The following CCNY variants were observed in gnomAD, a reference collection of about 807,000 sequenced individuals.
CCNY encodes the protein cyclin Y.
In CCNY, 19 loss-of-function variants were observed where a neutral mutation model predicts 42.8. The ratio of observed to expected loss-of-function variants is 0.44; its 90% CI spans 0.31 to 0.65. CCNY has a LOEUF of 0.65. CCNY is among the 30% of genes least tolerant of loss of function. The pLI is 0.07. For missense variants in CCNY, 370 were observed against 437.3 expected, an observed-to-expected ratio of 0.85 and a Z score of 1.37; for synonymous variants, 165 against 162.7, an observed-to-expected ratio of 1.01 and a Z score of -0.11.
intron 1 of CCNY, among the ~76,000 whole-genome samples, chr10:35,478,625 T>C (rs1296183147): frequency 1.3e-5 from 2 of 152,312 alleles, no homozygotes; most frequent in East Asian, 3.9e-4. Context: ...TTACACCTTA[T>C]GCAAAAATCA....
At chr10:35,491,968 C>T (rs996778677) in intron 2 of CCNY, among the ~76,000 whole-genome samples, 1 of 152,262 alleles carries the variant, frequency 6.6e-6, no homozygotes, top group East Asian at 1.9e-4. Flanking sequence ...TTAATGGGCA[C>T]CCCCAGAGTC....
At chr10:35,566,407 C>T (rs981093769) in intron 9 of CCNY, 8 of 481,420 alleles carry the variant, frequency 1.7e-5, no homozygotes, top group Admixed American at 4.0e-5. Context: ...TACAGTGGTG[C>T]GATCTTGGCC....
intron 1 of CCNY, among the ~76,000 whole-genome samples, chr10:35,400,431 T>C (rs1470551232): frequency 1.8e-4 from 27 of 152,192 alleles, no homozygotes; most frequent in Admixed American, 1.8e-3. Context: ...GAGAAGATGC[T>C]TCACGTCGTG....
chr10:35,279,519 CAGATA>C (rs1835276178), intron 3 of CCNY, among the ~76,000 whole-genome samples: 1 of 152,158 alleles, frequency 6.6e-6, no homozygotes, highest in Admixed American at 6.5e-5. Flanking sequence ...TGCAGAGGGT[CAGATA>C]TCAGGGGAAG....
At chr10:35,360,347 T>G (rs1312302467) in intron 1 of CCNY, among the ~76,000 whole-genome samples, 1 of 149,326 alleles carries the variant, frequency 6.7e-6, no homozygotes, top group Non-Finnish European at 1.5e-5. Context: ...AGTGTAGTGG[T>G]GTGACTATGG....
chr10:35,339,621 C>T (rs1481642182), intron 1 of CCNY, among the ~76,000 whole-genome samples: 2 of 152,148 alleles, frequency 1.3e-5, no homozygotes, highest in African/African-American at 4.8e-5. Flanking sequence ...AAACATCCCA[C>T]CCAGCTGGTT....
intron 1 of CCNY, among the ~76,000 whole-genome samples, chr10:35,474,648 C>T (rs1839466113): frequency 6.6e-6 from 1 of 152,174 alleles, no homozygotes; most frequent in East Asian, 1.9e-4. Flanking sequence ...CCCATCTGTA[C>T]ATCACCATCA....
chr10:35,525,948 C>G lies in CCNY; in HGVS notation c.366-16C>G. 6.2e-7 allele frequency: 1 copy of G among 1,610,420 alleles called. No individual in the cohort carries two copies. Among genetic ancestry groups the G allele is most frequent in the Non-Finnish European group, 8.5e-7 (1 of 1,178,398 alleles). ...TATGCTCATGGACACTGAACCTCTG[C>G]ATTCTATTTTTACAGTGTCGCTCTT... is the stretch of plus-strand genomic sequence containing the variant. On this transcript the variant is annotated splice_polypyrimidine_tract_variant and intron_variant, in intron 4 of 9. Coordinates refer to ENST00000374704, the MANE Select transcript of CCNY (RefSeq NM_145012.6).
In CCNY at chr10:35,276,957, A is replaced by G. The variant is rs116716196; in HGVS notation, c.-9+26331A>G. 6.9e-3 allele frequency among the ~76,000 whole-genome samples: 1,057 copies of G among 152,342 alleles called. 13 individuals carry two copies. Among genetic ancestry groups the G allele is most frequent in the African/African-American group, 0.024 (1,011 of 41,580 alleles). On this transcript the variant is annotated intron_variant, in intron 3 of 11. Transcript: ENST00000374706. ...GCCAGGGTGTTAAATGCTTATAACA[A>G]TGGAGTGCTCCCAGACTGATAAATG...
At chr10:35,322,645 G>A (rs1457653841) in intron 3 of CCNY, among the ~76,000 whole-genome samples, 1 of 152,160 alleles carries the variant, frequency 6.6e-6, no homozygotes, top group African/African-American at 2.4e-5. Flanking sequence ...TGGAATATAT[G>A]AAGACTTTTT....
chr10:35,502,374 T>C (rs1840128155), intron 3 of CCNY, among the ~76,000 whole-genome samples: 1 of 152,272 alleles, frequency 6.6e-6, no homozygotes, highest in African/African-American at 2.4e-5. Flanking sequence ...ATTTTTAGAC[T>C]GTCTGCATCT....
chr10:35,338,057 T>G (rs1270690052), intron 1 of CCNY, among the ~76,000 whole-genome samples: 1 of 152,254 alleles, frequency 6.6e-6, no homozygotes, highest in Non-Finnish European at 1.5e-5. Context: ...AAATATAGTT[T>G]ATAGAATTTT....
chr10:35,251,338 C>T (rs1195651337), intron 3 of CCNY, among the ~76,000 whole-genome samples: 1 of 151,996 alleles, frequency 6.6e-6, no homozygotes, highest in African/African-American at 2.4e-5. Flanking sequence ...ACAAAATGTA[C>T]AAATGAAATA....
chr10:35,322,035 C>G (rs1431218059), intron 3 of CCNY, among the ~76,000 whole-genome samples: 2 of 152,096 alleles, frequency 1.3e-5, no homozygotes, highest in Non-Finnish European at 2.9e-5. Flanking sequence ...AAATTCACCT[C>G]AAATTGGATC....
At chr10:35,459,512 C>T (rs1338819725) in intron 1 of CCNY, among the ~76,000 whole-genome samples, 1 of 152,118 alleles carries the variant, frequency 6.6e-6, no homozygotes, top group Non-Finnish European at 1.5e-5. Context: ...ATTGGACATC[C>T]CTTGTGTAGA....
chr10:35,515,621 C>G (rs933653207), intron 3 of CCNY, among the ~76,000 whole-genome samples: 1 of 152,160 alleles, frequency 6.6e-6, no homozygotes, highest in Non-Finnish European at 1.5e-5. Context: ...CTGAAAATGA[C>G]ACTTAGACAT....
chr10:35,388,906 G>A (rs1476370925), intron 1 of CCNY, among the ~76,000 whole-genome samples: 1 of 152,178 alleles, frequency 6.6e-6, no homozygotes, highest in Non-Finnish European at 1.5e-5. Flanking sequence ...TCCAAAGTCA[G>A]TGGCCTACCA....
At chr10:35,460,534 A>G (rs1401498049) in intron 1 of CCNY, among the ~76,000 whole-genome samples, 1 of 152,238 alleles carries the variant, frequency 6.6e-6, no homozygotes, top group African/African-American at 2.4e-5. Flanking sequence ...ATGCCTGGAT[A>G]CAGTGCCTGG....
chr10:35,455,104 C>G (rs907141018), intron 1 of CCNY, among the ~76,000 whole-genome samples: 1 of 152,130 alleles, frequency 6.6e-6, no homozygotes, highest in African/African-American at 2.4e-5. Flanking sequence ...GAAATCAAAG[C>G]TAATAGCAGA....
Sources: gnomAD v4.1 joint callset for allele counts (sites outside exome capture counted in the v4.1 genomes callset) on GRCh38, gnomAD v4.1.1 for gene constraint, MANE v1.5 for transcripts, NCBI Gene and HGNC (gene_info 2026-07-23, HGNC 2026-07-21) for gene names.